Variants in PRH1 observed in about 807,000 individuals in gnomAD.
PRH1 encodes proline rich protein HaeIII subfamily 1.
Under a neutral mutation model 7.9 loss-of-function variants are expected in PRH1, and 7 were observed. The ratio of observed to expected loss-of-function variants is 0.89; its 90% confidence interval spans 0.50 to 1.67. The LOEUF (loss-of-function observed/expected upper bound fraction) is 1.67. Ranked by LOEUF, PRH1 falls within the 40% of genes most tolerant of loss-of-function variation. The pLI, the probability that PRH1 is intolerant of heterozygous loss-of-function variation, is 0.00. For synonymous variants in PRH1, 45 were observed against 80.8 expected (o/e 0.56, Z 2.38); for missense variants, 109 against 223.6 (o/e 0.49, Z 3.27).
intron 1 of PRH1, among the ~76,000 whole-genome samples, chr12:11,141,117 T>C (rs1402105488): frequency 6.6e-6 from 1 of 152,190 alleles, no homozygotes; most frequent in East Asian, 1.9e-4. Flanking sequence ...ATTTCCAAAA[T>C]GGAAAATTAA....
rs1323945910 is a variant in PRH1, at chr12:11,039,583, A to C, written c.-126+7437T>G. 2.0e-5 allele frequency among the ~76,000 whole-genome samples: 3 copies of C among 152,388 alleles called. No individual in the cohort carries two copies. The East Asian group carries it at 5.8e-4, about 29-fold the overall frequency. Reference sequence around the variant, plus strand: ...TCAGCAATTTAACAACCCAATACACAGATGACACATTGGTTTTATTACCTG... The same window carrying C: ...TCAGCAATTTAACAACCCAATACACCGATGACACATTGGTTTTATTACCTG... On this transcript the variant is annotated intron_variant, in intron 1 of 3. Coordinates refer to the PRH1 transcript ENST00000539853.
intron 1 of PRH1, among the ~76,000 whole-genome samples, chr12:11,156,415 T>A (rs1034960324): frequency 9.9e-5 from 15 of 152,190 alleles, no homozygotes; most frequent in Admixed American, 6.5e-4. Context: ...TTTGGAAAGG[T>A]CTCAGCAACA....
intron 1 of PRH1, among the ~76,000 whole-genome samples, chr12:11,122,085 T>C (rs191423645): frequency 2.6e-5 from 4 of 152,354 alleles, no homozygotes; most frequent in East Asian, 1.9e-4. Context: ...TGCACACATA[T>C]ACACACATAT....
chr12:11,147,414 C>G (rs1053612720), intron 1 of PRH1, among the ~76,000 whole-genome samples: 10 of 152,172 alleles, frequency 6.6e-5, no homozygotes. Context: ...TCTCGAGCCC[C>G]TGGACTCAAG....
At chr12:11,152,222 T>TCCCTTCC (rs71055092) in intron 1 of PRH1, among the ~76,000 whole-genome samples, 54,236 of 122,486 alleles carry the variant, frequency 0.44, 13,444 homozygotes, top group Non-Finnish European at 0.52. Context: ...CCTAATGCTA[T>TCCCTTCC]CCCTCCCCCC....
At chr12:10,949,669 T>A (rs1950539990) in intron 2 of PRH1, among the ~76,000 whole-genome samples, 1 of 152,138 alleles carries the variant, frequency 6.6e-6, no homozygotes. Context: ...TTTTTAAATA[T>A]TTTTACTATT....
At chr12:10,977,916 G>C (rs1939176848) in intron 1 of PRH1, among the ~76,000 whole-genome samples, 1 of 152,088 alleles carries the variant, frequency 6.6e-6, no homozygotes, top group Middle Eastern at 3.4e-3. Flanking sequence ...ATATGACACA[G>C]ACAAGTGGAA....
intron 1 of PRH1, among the ~76,000 whole-genome samples, chr12:11,066,076 A>C (rs1282808168): frequency 1.3e-5 from 2 of 152,222 alleles, no homozygotes; most frequent in Admixed American, 6.5e-5. Context: ...AACAATCTTT[A>C]AAAGATCAAA....
intron 1 of PRH1, among the ~76,000 whole-genome samples, chr12:11,074,666 AAC>A (rs1353478274): frequency 6.5e-4 from 74 of 113,378 alleles, no homozygotes; most frequent in Middle Eastern, 4.1e-3. Flanking sequence ...AAAAAAACAA[AAC>A]AAGTATCTCT....
intron 2 of PRH1, chr12:10,932,266 A>C (rs1950224635): frequency 4.7e-6 from 2 of 424,386 alleles, no homozygotes; most frequent in Admixed American, 2.4e-5. Flanking sequence ...ATGCCTTGAA[A>C]CATAATGTGA....
intron 2 of PRH1, among the ~76,000 whole-genome samples, chr12:10,932,747 A>G (rs934710400): frequency 8.5e-5 from 13 of 152,270 alleles, no homozygotes; most frequent in African/African-American, 2.6e-4. Context: ...GTCCCTGCCT[A>G]TGATTCTTAC....
chr12:10,965,645 C>T lies in PRH1; in HGVS notation c.-59+8010G>A, dbSNP rs143078801. 2.3e-3 allele frequency among the ~76,000 whole-genome samples: 352 copies of T among 152,282 alleles called. 2 individuals carry two copies. Among genetic ancestry groups the T allele is most frequent in the African/African-American group, 8.1e-3 (337 of 41,576 alleles). ...GTTAGATACTGAAGTAGAAGTGAAA[C>T]CGGAATTTTCATTTGCCAGCATGCA... On this transcript the variant is annotated intron_variant, in intron 2 of 3. Transcript: ENST00000539853.
chr12:10,882,126 A>G, intron 3 of PRH1, 91 bp downstream of exon 3: 1 of 1,573,832 alleles, frequency 6.4e-7, no homozygotes, highest in South Asian at 1.2e-5. Context: ...ACAGGGCAAT[A>G]TTAACAGGTT....
intron 1 of PRH1, among the ~76,000 whole-genome samples, chr12:11,155,845 G>T (rs1947232020): frequency 1.3e-5 from 2 of 151,986 alleles, no homozygotes; most frequent in East Asian, 3.9e-4. Context: ...ACTTCTCTTG[G>T]ATATATAGCT....
chr12:10,975,181 A>G (rs1939025636), intron 1 of PRH1, among the ~76,000 whole-genome samples: 1 of 152,212 alleles, frequency 6.6e-6, no homozygotes, highest in African/African-American at 2.4e-5. Context: ...GAAAGGACAG[A>G]TCACCTACAA....
At chr12:10,909,833 A>G (rs1949869108) in intron 2 of PRH1, among the ~76,000 whole-genome samples, 1 of 152,196 alleles carries the variant, frequency 6.6e-6, no homozygotes. Context: ...AGAGTGCTCA[A>G]TTTCTTGTGG....
At chr12:11,043,962 A>G (rs1942814603) in intron 1 of PRH1, among the ~76,000 whole-genome samples, 1 of 152,304 alleles carries the variant, frequency 6.6e-6, no homozygotes, top group Admixed American at 6.5e-5. Context: ...ATATGGAGCC[A>G]CAACTGACCC....
chr12:11,148,964 T>TCC (rs1946968851), intron 1 of PRH1, among the ~76,000 whole-genome samples: 1 of 148,540 alleles, frequency 6.7e-6, no homozygotes, highest in Non-Finnish European at 1.5e-5. Flanking sequence ...CAATTTCAGA[T>TCC]CCTGTTATTG....
intron 1 of PRH1, among the ~76,000 whole-genome samples, chr12:11,161,961 T>C (rs1275125329): frequency 1.3e-5 from 2 of 152,246 alleles, no homozygotes; most frequent in Non-Finnish European, 2.9e-5. Context: ...AAACTTTATA[T>C]GTTGCTGAGG....
Sources: allele counts gnomAD v4.1 joint callset (sites outside exome capture counted in the v4.1 genomes callset), GRCh38; gene constraint gnomAD v4.1.1; transcripts MANE v1.5; gene names NCBI Gene and HGNC (gene_info 2026-07-23, HGNC 2026-07-21).